The following FUT8 variants were observed in gnomAD, a reference collection of about 807,000 sequenced individuals.
FUT8 encodes fucosyltransferase 8, also known as alpha-(1,6)-fucosyltransferase.
A neutral mutation model predicts 71.3 loss-of-function variants in FUT8; 29 were observed. The ratio of observed to expected loss-of-function variants is 0.41; its 90% CI spans 0.30 to 0.55. The LOEUF (loss-of-function observed/expected upper bound fraction) is 0.55, where lower values mean the gene tolerates loss of function less well. Ranked by LOEUF, FUT8 falls within the 20% of genes least tolerant of loss-of-function variation. The probability of loss-of-function intolerance (pLI) is 0.34; values close to 1 mark genes in which losing one functional copy is unlikely to be tolerated. For synonymous variants in FUT8, 254 were observed against 239.3 expected (o/e 1.06, Z -0.57); for missense variants, 544 against 702.1 (o/e 0.77, Z 2.55).
Position 65,643,715 on chromosome 14 carries a change from C to CACACACACACACACACACACACACACA in FUT8, c.597+14109_597+14110insACACACACACACACACACACACACACA, listed in dbSNP as rs1890978227. On this transcript the variant is annotated intron_variant, in intron 6 of 10. Coordinates refer to ENST00000673929, the MANE Select transcript of FUT8 (RefSeq NM_001371533.1). This position sits in a 1 kb window ranked among gnomAD's most constrained non-coding sequence, Gnocchi z 4.5. ...ACACACACACACACACACACACACA[C>CACACACACACACACACACACACACACA]CAGATTCCATTCTAGATGCTATTCC... Among the ~76,000 whole-genome samples, 1 of 145,034 alleles carries CACACACACACACACACACACACACACA rather than the reference C, an allele frequency of 6.9e-6. No individual in the cohort carries two copies. The highest frequency in any genetic ancestry group is 2.0e-4 in the East Asian group (1 of 5,020).
chr14:65,503,228 G>A (rs2066675140), intron 2 of FUT8, among the ~76,000 whole-genome samples: 1 of 152,184 alleles, frequency 6.6e-6, no homozygotes. Flanking sequence ...CCTGGAAGGC[G>A]TGAGACTGCT....
At chr14:65,424,665 CTT>C (rs1480934655) in intron 1 of FUT8, among the ~76,000 whole-genome samples, 1 of 150,418 alleles carries the variant, frequency 6.6e-6, no homozygotes, top group African/African-American at 2.4e-5. Flanking sequence ...AGCCTCCCGT[CTT>C]TTTCTTTTTT....
chr14:65,561,891 G>A (rs1050485302), intron 3 of FUT8, 125 bp downstream of exon 3: 15 of 765,846 alleles, frequency 2.0e-5, no homozygotes, highest in African/African-American at 1.2e-4. Flanking sequence ...CCACAACTTA[G>A]CATGACAGTT....
chr14:65,368,031 AAG>A, the FUT8 span, among the ~76,000 whole-genome samples: 1 of 151,664 alleles, frequency 6.6e-6, no homozygotes, highest in African/African-American at 2.4e-5. Flanking sequence ...AAAAAAGTAA[AAG>A]AACATAGGCA....
Position 65,483,444 on chromosome 14 carries a change from A to G in FUT8, c.-228+27726A>G, listed in dbSNP as rs531248054. ...ATTACTGTGTGGCTTTTCTCTCCGG[A>G]ATGGCTTTACATTTCCATATGAATT... On this transcript the variant is annotated intron_variant, in intron 2 of 10. Transcript: ENST00000673929. This position sits in a 1 kb window ranked among gnomAD's most constrained non-coding sequence, Gnocchi z 4.4. Among the ~76,000 whole-genome samples, 80 of 152,302 alleles carry G rather than the reference A, an allele frequency of 5.3e-4. No individual in the cohort carries two copies. The highest frequency in any genetic ancestry group is 1.8e-3 in the African/African-American group (74 of 41,564).
intron 5 of FUT8, among the ~76,000 whole-genome samples, chr14:65,621,257 GT>G (rs1566857874): frequency 6.9e-6 from 1 of 144,378 alleles, no homozygotes; most frequent in African/African-American, 2.6e-5. Context: ...TTTTTTTTTT[GT>G]TTTGTTTTCT....
At chr14:65,402,468 A>G in the FUT8 span, among the ~76,000 whole-genome samples, 3 of 151,640 alleles carry the variant, frequency 2.0e-5, no homozygotes, top group Non-Finnish European at 4.4e-5. Context: ...GGAGATCGAG[A>G]CCATCTTGGC....
At chr14:65,426,923 A>G (rs2065397735) in intron 1 of FUT8, among the ~76,000 whole-genome samples, 1 of 151,672 alleles carries the variant, frequency 6.6e-6, no homozygotes, top group African/African-American at 2.4e-5. Context: ...CAGTGGTGTG[A>G]TCTTGGCTCA....
intron 2 of FUT8, among the ~76,000 whole-genome samples, chr14:65,530,948 AT>A (rs992868291): frequency 6.8e-6 from 1 of 146,738 alleles, no homozygotes; most frequent in African/African-American, 2.5e-5. Context: ...TATAAGACCA[AT>A]TTTTTTATTG....
At chr14:65,717,238 G>A (rs1315770855) in intron 7 of FUT8, among the ~76,000 whole-genome samples, 2 of 122,402 alleles carry the variant, frequency 1.6e-5, no homozygotes, top group African/African-American at 3.2e-5. Context: ...CCGGGCAGAG[G>A]CGCTCCTCAC....
At chr14:65,617,316 A>G in intron 5 of FUT8, 1 of 1,040,744 alleles carries the variant, frequency 9.6e-7, no homozygotes, top group Non-Finnish European at 1.3e-6. Flanking sequence ...GCATTAATGA[A>G]TCTACAGAAA....
intron 2 of FUT8, among the ~76,000 whole-genome samples, chr14:65,464,190 T>C (rs1274845016): frequency 1.3e-5 from 2 of 151,054 alleles, no homozygotes; most frequent in East Asian, 3.9e-4. Flanking sequence ...CCCAAATATC[T>C]CCCCCTTTTA....
chr14:65,671,454 C>A (rs1705725871), intron 7 of FUT8, among the ~76,000 whole-genome samples: 1 of 152,092 alleles, frequency 6.6e-6, no homozygotes, highest in Non-Finnish European at 1.5e-5. Flanking sequence ...GAATCAAAGG[C>A]CTAGTTAAGG....
In FUT8 at chr14:65,551,694, T is replaced by C. The variant is rs181035906; in HGVS notation, c.-227-9643T>C. The stretch of plus-strand genomic sequence containing the variant: ...TCAAGTTGTATATATTATGTATAGC[T>C]TTTTGTATGTAAAACATGTTTAAAA... On this transcript the variant is annotated intron_variant, in intron 2 of 10. Transcript: ENST00000673929. Among the ~76,000 whole-genome samples, 66 of 152,282 alleles carry C rather than the reference T, an allele frequency of 4.3e-4. 1 individual carries two copies. Among genetic ancestry groups the C allele is most frequent in the Non-Finnish European group, 7.8e-4 (53 of 68,010 alleles).
chr14:65,600,895 A>G (rs1030135414), intron 3 of FUT8, among the ~76,000 whole-genome samples: 1 of 152,188 alleles, frequency 6.6e-6, no homozygotes, highest in Non-Finnish European at 1.5e-5. Context: ...AAGTGAGCAC[A>G]GACAACTATT....
At chr14:65,363,140 G>A in the FUT8 span, among the ~76,000 whole-genome samples, 3 of 151,788 alleles carry the variant, frequency 2.0e-5, no homozygotes, top group Non-Finnish European at 4.4e-5. Context: ...TTTTCTTTTT[G>A]AGATGGAATC....
At chr14:65,600,750 C>T (rs564217206) in intron 3 of FUT8, among the ~76,000 whole-genome samples, 55 of 152,210 alleles carry the variant, frequency 3.6e-4, no homozygotes, top group African/African-American at 1.1e-3. Flanking sequence ...AGAAAATTTG[C>T]AGCATATGGA....
intron 2 of FUT8, among the ~76,000 whole-genome samples, chr14:65,459,632 G>A (rs2065943893): frequency 6.6e-6 from 1 of 152,088 alleles, no homozygotes; most frequent in Admixed American, 6.6e-5. Context: ...ACCCTACACT[G>A]CAATGTCTCC....
intron 1 of FUT8, among the ~76,000 whole-genome samples, chr14:65,449,193 G>A (rs1037046681): frequency 3.9e-5 from 6 of 152,148 alleles, no homozygotes; most frequent in Non-Finnish European, 7.4e-5. Flanking sequence ...CCAAAGGAAG[G>A]GGAGTAGTGA....
Sources: gnomAD v4.1 joint callset for allele counts (sites outside exome capture counted in the v4.1 genomes callset) on GRCh38, gnomAD v4.1.1 for gene constraint, Gnocchi (gnomAD v3.1) non-coding constraint, MANE v1.5 for transcripts, NCBI Gene and HGNC (gene_info 2026-07-23, HGNC 2026-07-21) for gene names.